Variants in STXBP4 observed in about 807,000 individuals in gnomAD.
STXBP4 encodes the protein syntaxin-binding protein 4.
A neutral mutation model predicts 76.1 loss-of-function variants in STXBP4; 55 were observed. The observed-to-expected ratio is 0.72, with a 90% CI of 0.58 to 0.91. The LOEUF is 0.91. Among genes scored for constraint, STXBP4 ranks in the 40% least tolerant of loss-of-function variants. The pLI is 0.00. For synonymous variants in STXBP4, 201 were observed against 220.2 expected, an observed-to-expected ratio of 0.91 and a Z score of 0.77; for missense variants, 618 against 636.9, an observed-to-expected ratio of 0.97 and a Z score of 0.32.
At chr17:55,202,902 G>T in the STXBP4 span, among the ~76,000 whole-genome samples, 3 of 152,104 alleles carry the variant, frequency 2.0e-5, no homozygotes, top group South Asian at 4.1e-4. Context: ...ATGGGCATAA[G>T]AGCCAAGAAA....
the STXBP4 span, among the ~76,000 whole-genome samples, chr17:55,207,864 G>A: frequency 6.6e-6 from 1 of 152,076 alleles, no homozygotes; most frequent in Non-Finnish European, 1.5e-5. Context: ...AAGTGTTAAC[G>A]CCGGTGATCT....
chr17:55,196,905 A>G, the STXBP4 span, among the ~76,000 whole-genome samples: 3 of 152,232 alleles, frequency 2.0e-5, no homozygotes, highest in Non-Finnish European at 4.4e-5. Context: ...CAATGTCATG[A>G]TGAAGAGCAT....
At chr17:55,063,601 G>C (rs1488722768) in intron 12 of STXBP4, among the ~76,000 whole-genome samples, 1 of 152,174 alleles carries the variant, frequency 6.6e-6, no homozygotes, top group Non-Finnish European at 1.5e-5. Context: ...CTAAATGCGT[G>C]CTTTATATGG....
chr17:55,186,976 G>A, the STXBP4 span, among the ~76,000 whole-genome samples: 1 of 152,232 alleles, frequency 6.6e-6, no homozygotes, highest in Middle Eastern at 3.4e-3. Context: ...AATCAAAAGG[G>A]ACAAAGAAAC....
chr17:55,157,090 A>C (rs541195569), intron 17 of STXBP4, among the ~76,000 whole-genome samples: 2 of 152,348 alleles, frequency 1.3e-5, no homozygotes, highest in South Asian at 4.1e-4. Context: ...ACCCTCAGGT[A>C]ATTGCTCCTG....
chr17:55,041,722 A>T (rs559058955), intron 10 of STXBP4, among the ~76,000 whole-genome samples: 7 of 152,154 alleles, frequency 4.6e-5, no homozygotes, highest in Non-Finnish European at 7.4e-5. Context: ...CTGAGGAAAC[A>T]TCACAAGTTA....
intron 9 of STXBP4, among the ~76,000 whole-genome samples, chr17:55,033,066 A>G (rs954236766): frequency 1.1e-4 from 17 of 152,170 alleles, no homozygotes; most frequent in African/African-American, 4.1e-4. Context: ...GAAATAAAGA[A>G]GCACAGAAGA....
chr17:55,051,676 T>C (rs1314456588), intron 12 of STXBP4, among the ~76,000 whole-genome samples: 2 of 152,122 alleles, frequency 1.3e-5, no homozygotes, highest in Non-Finnish European at 2.9e-5. Context: ...GAGGATGGCT[T>C]GAGGCCACAG....
chr17:55,100,342 G>T (rs2145013300), intron 16 of STXBP4, among the ~76,000 whole-genome samples: 1 of 152,298 alleles, frequency 6.6e-6, no homozygotes, highest in Non-Finnish European at 1.5e-5. Flanking sequence ...TGGGAACGTA[G>T]CTTGTAGGGT....
intron 1 of STXBP4, among the ~76,000 whole-genome samples, chr17:54,969,671 C>T (rs975428181): frequency 1.3e-5 from 2 of 152,118 alleles, no homozygotes; most frequent in African/African-American, 2.4e-5. Flanking sequence ...TTCTAATGGC[C>T]AGAGCAGGTA....
At chr17:55,193,903 A>C in the STXBP4 span, among the ~76,000 whole-genome samples, 2,097 of 152,096 alleles carry the variant, frequency 0.014, 42 homozygotes, top group African/African-American at 0.048. Flanking sequence ...CAGGAAGAAG[A>C]AGCATTAACA....
chr17:55,132,869 A>G (rs555534591), intron 16 of STXBP4, among the ~76,000 whole-genome samples: 6 of 152,328 alleles, frequency 3.9e-5, no homozygotes, highest in African/African-American at 1.4e-4. Flanking sequence ...ATGCATTCAA[A>G]GGGAACAGCT....
chr17:55,179,761 TA>T, the STXBP4 span, among the ~76,000 whole-genome samples: 1 of 152,218 alleles, frequency 6.6e-6, no homozygotes, highest in African/African-American at 2.4e-5. Flanking sequence ...TTCTCTAGCT[TA>T]TTTTGTTGTA....
the STXBP4 span, among the ~76,000 whole-genome samples, chr17:55,211,799 G>GTTTTTTTTTTTTTT: frequency 2.0e-4 from 10 of 49,000 alleles, 2 homozygotes; most frequent in African/African-American, 6.1e-4. Context: ...GTTTTTTGTT[G>GTTTTTTTTTTTTTT]TTTTTTTTTT....
chr17:55,034,875 A>G (rs968789114), intron 10 of STXBP4, among the ~76,000 whole-genome samples: 3 of 152,022 alleles, frequency 2.0e-5, no homozygotes, highest in East Asian at 1.9e-4. Flanking sequence ...AGCTTCAATC[A>G]TGTGTTCTAT....
chr17:55,083,046 C>A (rs1411283725), intron 16 of STXBP4, among the ~76,000 whole-genome samples: 1 of 151,822 alleles, frequency 6.6e-6, no homozygotes, highest in African/African-American at 2.4e-5. Context: ...ATTGCAACCT[C>A]CTCCTCCCCG....
At chr17:55,205,758 T>C in the STXBP4 span, among the ~76,000 whole-genome samples, 1 of 152,178 alleles carries the variant, frequency 6.6e-6, no homozygotes, top group East Asian at 1.9e-4. Context: ...TGTGAAAATA[T>C]AGGATCTCAT....
intron 12 of STXBP4, among the ~76,000 whole-genome samples, chr17:55,050,102 AAAAAT>A (rs2078841058): frequency 1.3e-5 from 2 of 152,122 alleles, no homozygotes; most frequent in African/African-American, 2.4e-5. Context: ...TTGGAAAAGA[AAAAAT>A]AAAACTGTCT....
At chr17:55,126,454 G>T (rs1013876379) in intron 16 of STXBP4, among the ~76,000 whole-genome samples, 23 of 152,152 alleles carry the variant, frequency 1.5e-4, no homozygotes, top group African/African-American at 5.3e-4. Context: ...AGAACAGTTG[G>T]CTGCCTCTTG....
Sources: allele counts gnomAD v4.1 joint callset (sites outside exome capture counted in the v4.1 genomes callset), GRCh38; gene constraint gnomAD v4.1.1; transcripts MANE v1.5; gene names NCBI Gene and HGNC (gene_info 2026-07-23, HGNC 2026-07-21).